The following CTRC variants were observed in gnomAD, a reference collection of about 807,000 sequenced individuals.
CTRC encodes the protein chymotrypsin C, also known as chymotrypsin-C.
Under a neutral mutation model 35.7 loss-of-function variants are expected in CTRC, and 32 were observed. That is an observed-to-expected ratio of 0.90 (90% confidence interval 0.68 to 1.20). CTRC has a LOEUF of 1.20. Among genes scored for constraint, CTRC ranks in the 50% most tolerant of loss-of-function variants. The pLI, the probability that CTRC is intolerant of heterozygous loss-of-function variation, is 0.00. For synonymous variants in CTRC, 119 were observed against 149.5 expected, an observed-to-expected ratio of 0.80 and a Z score of 1.49; for missense variants, 324 against 361.5, an observed-to-expected ratio of 0.90 and a Z score of 0.84.
At position 15,446,703 on chromosome 1, in the gene CTRC, G is replaced by C. The variant is rs999856190; in HGVS notation, c.*114G>C. ...TTCTGTTGCTTCCCTCCTCTCTGGT[G>C]CTGCCCCTTTCCACACTATGGAGCC... is the stretch of plus-strand genomic sequence containing the variant. On this transcript the variant is annotated 3_prime_UTR_variant, in exon 8 of 8. Transcript: ENST00000375949. 8.0e-7 allele frequency: 1 copy of C among 1,251,268 alleles called. No individual in the cohort carries two copies. Among genetic ancestry groups the C allele is most frequent in the South Asian group, 1.2e-5 (1 of 83,064 alleles). The allele number at this position is 1,251,268 out of a possible 1,614,324, so 77.5% of individuals were successfully genotyped here.
chr1:15,444,647 C>A lies in CTRC; in HGVS notation c.535C>A (p.Pro179Thr). The A allele has an allele frequency of 6.2e-7, 1 of 1,614,196 alleles. No homozygotes were observed. The highest frequency in any genetic ancestry group is 1.1e-5 in the South Asian group (1 of 91,084). Residue 179 changes from proline to threonine, a missense_variant, in exon 6 of 8, where the codon CCC (proline) becomes ACC (threonine). Coordinates refer to ENST00000375949, the MANE Select transcript of CTRC (RefSeq NM_007272.3). ...TGATAAGCTGCAGCAGGGCCTGCAG[C>A]CCGTGGTGGATCACGCCACGTGCTC... Reference protein sequence around the residue: ...IADKLQQGLQPVVDHATCSRI... With the variant: ...IADKLQQGLQTVVDHATCSRI...
chr1:15,442,686 T>C, intron 4 of CTRC, 114 bp downstream of exon 4: 1 of 1,458,756 alleles, frequency 6.9e-7, no homozygotes, highest in South Asian at 1.2e-5. Context: ...ATCCTCACCC[T>C]GGAAAGCCAG....
At chr1:15,446,331 G>A (rs1708221300) in intron 7 of CTRC, among the ~76,000 whole-genome samples, 1 of 152,250 alleles carries the variant, frequency 6.6e-6, no homozygotes, top group South Asian at 2.1e-4. Flanking sequence ...TTGAGAGTAG[G>A]GGAACAGAGG....
intron 1 of CTRC, 74 bp from the exon 2 acceptor site, chr1:15,440,226 G>GGGGGGCCCC: frequency 3.8e-6 from 2 of 523,580 alleles, no homozygotes; most frequent in South Asian, 2.0e-5. Context: ...TCTTCCACCT[G>GGGGGGCCCC]CCCACCCTCC....
intron 4 of CTRC, 152 bp from the exon 5 acceptor site, chr1:15,443,267 C>T (rs936590836): frequency 3.6e-5 from 31 of 864,776 alleles, no homozygotes; most frequent in South Asian, 2.6e-4. Context: ...CTGATATTCC[C>T]AAAGGCCAAG....
chr1:15,443,026 C>A (rs1198263653), intron 4 of CTRC, among the ~76,000 whole-genome samples: 1 of 152,192 alleles, frequency 6.6e-6, no homozygotes, highest in African/African-American at 2.4e-5. Context: ...GGCCGGCCAG[C>A]TTTTATTCTT....
At chr1:15,440,209 CTG>C (rs1203315216) in intron 1 of CTRC, 89 bp from the exon 2 acceptor site, 1 of 1,188,632 alleles carries the variant, frequency 8.4e-7, no homozygotes, top group Non-Finnish European at 1.2e-6. Flanking sequence ...AGCCCCAACT[CTG>C]TGCTTCTTCC....
chr1:15,445,519 C>T, intron 6 of CTRC, 78 bp from the exon 7 acceptor site: 1 of 1,500,096 alleles, frequency 6.7e-7, no homozygotes, highest in Non-Finnish European at 9.2e-7. Flanking sequence ...CCACATCCCC[C>T]ACCCCAACCC....
intron 6 of CTRC, 78 bp from the exon 7 acceptor site, chr1:15,445,519 C>A: frequency 2.0e-6 from 3 of 1,500,094 alleles, no homozygotes; most frequent in Non-Finnish European, 2.8e-6. Flanking sequence ...CCACATCCCC[C>A]ACCCCAACCC....
chr1:15,438,998 G>A (rs1708082402), intron 1 of CTRC, among the ~76,000 whole-genome samples: 1 of 152,188 alleles, frequency 6.6e-6, no homozygotes, highest in South Asian at 2.1e-4. Context: ...AGCACTTAAT[G>A]AAGAGTCCTT....
chr1:15,439,686 G>C (rs1340186520), intron 1 of CTRC, among the ~76,000 whole-genome samples: 1 of 152,170 alleles, frequency 6.6e-6, no homozygotes, highest in Non-Finnish European at 1.5e-5. Flanking sequence ...CCTAAAAACA[G>C]ACAGAAGAAC....
At chr1:15,444,044 G>A (rs1053018392) in intron 5 of CTRC, among the ~76,000 whole-genome samples, 11 of 152,052 alleles carry the variant, frequency 7.2e-5, no homozygotes, top group Non-Finnish European at 1.2e-4. Flanking sequence ...CTTGAGGCCA[G>A]GAGTTCAAGA....
rs1331333297 is a variant in CTRC, at chr1:15,440,596, C to G, written c.230+6C>G. On this transcript the variant is annotated splice_donor_region_variant and intron_variant, in intron 3 of 7. Transcript: ENST00000375949. ...ACTGCCGCCCACTGCATCAGGTGTG[C>G]GGGGATGATACCCTGAGACCTGGCC... 8.1e-6 allele frequency: 13 copies of G among 1,613,294 alleles called. No homozygotes were observed. The highest frequency in any genetic ancestry group is 1.0e-5 in the Non-Finnish European group (12 of 1,179,468).
chr1:15,443,037 G>A (rs193194048), intron 4 of CTRC, among the ~76,000 whole-genome samples: 3 of 152,282 alleles, frequency 2.0e-5, no homozygotes, highest in Admixed American at 2.0e-4. Flanking sequence ...TTTTATTCTT[G>A]TAACATGAAA....
chr1:15,444,828 C>A (rs180857244), intron 6 of CTRC, 77 bp downstream of exon 6: 9 of 1,584,304 alleles, frequency 5.7e-6, no homozygotes, highest in African/African-American at 5.4e-5. Flanking sequence ...TGCGATGGAC[C>A]AAACCCTTCT....
At chr1:15,439,603 G>A (rs1334758064) in intron 1 of CTRC, among the ~76,000 whole-genome samples, 1 of 152,092 alleles carries the variant, frequency 6.6e-6, no homozygotes, top group Non-Finnish European at 1.5e-5. Flanking sequence ...ACGTGTTCTT[G>A]ACCGCTCCAC....
chr1:15,441,695 T>C (rs1708135321), intron 3 of CTRC, among the ~76,000 whole-genome samples: 1 of 141,274 alleles, frequency 7.1e-6, no homozygotes, highest in South Asian at 2.2e-4. Context: ...TCATATACAC[T>C]TTTTTTTTTT....
intron 5 of CTRC, 122 bp downstream of exon 5, chr1:15,443,677 A>T (rs1708170482): frequency 1.7e-6 from 2 of 1,172,326 alleles, no homozygotes; most frequent in Admixed American, 3.5e-5. Context: ...CTTTGTAACA[A>T]TAACAGCTAA....
chr1:15,440,329 C>T lies in CTRC; in HGVS notation c.70C>T (p.Pro24Ser), dbSNP rs779971254. 1 of 1,610,340 alleles carries T rather than the reference C, an allele frequency of 6.2e-7. No homozygotes were observed. Among genetic ancestry groups the T allele is most frequent in the Non-Finnish European group, 8.5e-7 (1 of 1,179,094 alleles). The change falls in exon 2 of 8, where the codon CCC becomes TCC. Residue 24 changes from proline (P) to serine (S), a missense_variant. Physicochemically the swap from Pro to Ser is moderately conservative, Grantham distance 74. Coordinates refer to ENST00000375949, the MANE Select transcript of CTRC (RefSeq NM_007272.3). ...CAGCTGTGGGGTGCCCAGCTTCCCG[C>T]CCAACCTATCCGCCCGAGTGGTGGG... ...ASSCGVPSFP[P>S]NLSARVVGGE...
Sources: allele counts gnomAD v4.1 joint callset (sites outside exome capture counted in the v4.1 genomes callset), GRCh38; gene constraint gnomAD v4.1.1; transcripts MANE v1.5; gene names NCBI Gene and HGNC (gene_info 2026-07-23, HGNC 2026-07-21).